The following TMEFF2 variants were observed in gnomAD, a reference collection of about 807,000 sequenced individuals.
TMEFF2 encodes the protein transmembrane protein with EGF like and two follistatin like domains 2, also known as tomoregulin-2.
In TMEFF2, 28 loss-of-function variants were observed where a neutral mutation model predicts 53.8. That is an observed-to-expected ratio of 0.52 (90% CI 0.39 to 0.71). The LOEUF (loss-of-function observed/expected upper bound fraction) is 0.71, where lower values mean the gene tolerates loss of function less well. Ranked by LOEUF, TMEFF2 falls within the 30% of genes least tolerant of loss-of-function variation. TMEFF2 has a pLI of 0.00. For missense variants in TMEFF2, 353 were observed against 455.2 expected (o/e 0.78, Z 2.04); for synonymous variants, 162 against 166.3 (o/e 0.97, Z 0.20).
At chr2:191,970,173 G>C (rs1323320842) in intron 7 of TMEFF2, among the ~76,000 whole-genome samples, 1 of 152,034 alleles carries the variant, frequency 6.6e-6, no homozygotes, top group Non-Finnish European at 1.5e-5. Flanking sequence ...CTGTTAAAGA[G>C]ACACAGTAAT....
intron 5 of TMEFF2, among the ~76,000 whole-genome samples, chr2:192,037,643 AAGAGAGAGAGAGAG>A (rs34986284): frequency 1.2e-4 from 17 of 143,194 alleles, no homozygotes; most frequent in Admixed American, 2.8e-4. Context: ...AAGAGAGAGA[AAGAGAGAGAGAGAG>A]AGAGAGAGAG....
chr2:192,157,668 G>A (rs536800959), intron 4 of TMEFF2, among the ~76,000 whole-genome samples: 24 of 151,856 alleles, frequency 1.6e-4, no homozygotes, highest in Admixed American at 8.5e-4. Context: ...TGTTTCTACC[G>A]TCCCTATTCC....
chr2:191,997,861 CT>C (rs1233439582), intron 7 of TMEFF2, among the ~76,000 whole-genome samples: 4 of 151,726 alleles, frequency 2.6e-5, no homozygotes, highest in Non-Finnish European at 5.9e-5. Flanking sequence ...TCCTTTCTAG[CT>C]TTTTAGAGAC....
At chr2:191,988,566 T>A (rs747452015) in intron 7 of TMEFF2, among the ~76,000 whole-genome samples, 1 of 152,196 alleles carries the variant, frequency 6.6e-6, no homozygotes, top group Non-Finnish European at 1.5e-5. Flanking sequence ...GTCTATAGAC[T>A]AATAACATGG....
chr2:192,133,273 G>A (rs1007106373), intron 4 of TMEFF2, among the ~76,000 whole-genome samples: 2 of 151,936 alleles, frequency 1.3e-5, no homozygotes, highest in African/African-American at 4.8e-5. Context: ...GGCTTCATTT[G>A]CGTCCTCCTC....
At chr2:192,142,831 A>G (rs1420073073) in intron 4 of TMEFF2, among the ~76,000 whole-genome samples, 3 of 152,190 alleles carry the variant, frequency 2.0e-5, no homozygotes, top group East Asian at 1.9e-4. Context: ...TAAGATTCCA[A>G]CCAGATTCCA....
At chr2:192,113,784 G>T (rs937652647) in intron 4 of TMEFF2, among the ~76,000 whole-genome samples, 1 of 152,120 alleles carries the variant, frequency 6.6e-6, no homozygotes, top group African/African-American at 2.4e-5. Context: ...GCTAACAGTT[G>T]CTGGGTACTT....
Position 192,194,548 on chromosome 2 carries a change from C to G in TMEFF2, c.-24G>C, listed in dbSNP as rs768480968. ...ATGACTAGTTCGTGCAACTCTGCAG[C>G]AGCAAACGGCTTCCGAGGAACACAG... On this transcript the variant is annotated 5_prime_UTR_variant, in exon 1 of 10. Transcript: ENST00000272771. This position sits in a 1 kb window ranked among gnomAD's most constrained non-coding sequence, Gnocchi z 4.2. 7 of 1,603,554 alleles carry G rather than the reference C, an allele frequency of 4.4e-6. No homozygotes were observed. In the South Asian group the frequency reaches 5.5e-5, roughly 13 times the overall value.
At chr2:191,965,215 C>T (rs1470706464) in intron 7 of TMEFF2, among the ~76,000 whole-genome samples, 1 of 152,078 alleles carries the variant, frequency 6.6e-6, no homozygotes, top group African/African-American at 2.4e-5. Flanking sequence ...CTCCCAGGTA[C>T]CTCAAACTCA....
intron 4 of TMEFF2, among the ~76,000 whole-genome samples, chr2:192,130,294 T>C (rs574134983): frequency 2.4e-4 from 37 of 152,236 alleles, no homozygotes; most frequent in African/African-American, 4.6e-4. Flanking sequence ...TCCTCCTCCT[T>C]CTCCTCTGTC....
At position 191,949,172 on chromosome 2, in the gene TMEFF2, T is replaced by A. The variant is rs1691790399; in HGVS notation, c.*1139A>T. Reference sequence around the variant, plus strand: ...TTGAGAATTTTCACAGCTTATTTTTTCCAGATCAAGTTGTGATACCTATTT... The same window carrying A: ...TTGAGAATTTTCACAGCTTATTTTTACCAGATCAAGTTGTGATACCTATTT... On this transcript the variant is annotated 3_prime_UTR_variant, in exon 10 of 10. Transcript: ENST00000272771. The A allele has an allele frequency of 3.0e-6, 3 of 985,294 alleles. No homozygotes were observed. Among genetic ancestry groups the A allele is most frequent in the Admixed American group, 6.1e-5 (1 of 16,262 alleles). 61.0% of individuals were successfully genotyped at this position (985,294 alleles called of 1,614,324 possible).
rs6743166 is a variant in TMEFF2, at chr2:192,192,013, A to C, written c.173-24T>G. 5,267 of 1,465,076 alleles carry C rather than the reference A, an allele frequency of 3.6e-3. 142 individuals are homozygous for C. The African/African-American group carries it at 0.061, about 17-fold the overall frequency. 90.8% of individuals were successfully genotyped at this position (1,465,076 alleles called of 1,614,324 possible). A position where few individuals can be genotyped will look rare whatever the true frequency, so the allele number is the denominator to read the frequency against. ...ACCTCAAATTCAAAGAGAACACTCC[A>C]GTCATTAAAACATCTTACAGATTTT... On this transcript the variant is annotated intron_variant, in intron 1 of 9. Coordinates refer to ENST00000272771, the MANE Select transcript of TMEFF2 (RefSeq NM_016192.4).
intron 4 of TMEFF2, among the ~76,000 whole-genome samples, chr2:192,136,916 T>C (rs1690021306): frequency 6.6e-6 from 1 of 152,208 alleles, no homozygotes; most frequent in Non-Finnish European, 1.5e-5. Flanking sequence ...TCAAATAATT[T>C]GGCAGTTATA....
chr2:192,128,925 T>G (rs538120013), intron 4 of TMEFF2, among the ~76,000 whole-genome samples: 2 of 152,260 alleles, frequency 1.3e-5, no homozygotes, highest in East Asian at 3.9e-4. Flanking sequence ...AACTCTCCAG[T>G]GTGTGGCACA....
intron 4 of TMEFF2, among the ~76,000 whole-genome samples, chr2:192,097,992 CAATT>C (rs769904093): frequency 4.6e-5 from 7 of 151,822 alleles, no homozygotes; most frequent in South Asian, 2.1e-4. Flanking sequence ...TGGTGAATGA[CAATT>C]AATTTGCCAC....
intron 4 of TMEFF2, among the ~76,000 whole-genome samples, chr2:192,136,111 A>G (rs1239145963): frequency 1.3e-5 from 2 of 152,214 alleles, no homozygotes; most frequent in African/African-American, 2.4e-5. Flanking sequence ...CGCGCATGAA[A>G]GAGTATTTTT....
chr2:192,085,842 G>C (rs1044985116), intron 4 of TMEFF2, among the ~76,000 whole-genome samples: 1 of 152,078 alleles, frequency 6.6e-6, no homozygotes, highest in African/African-American at 2.4e-5. Context: ...CATCTCACAG[G>C]AGCATTGACT....
chr2:191,955,665 T>C (rs201048021), intron 8 of TMEFF2, among the ~76,000 whole-genome samples: 1 of 151,424 alleles, frequency 6.6e-6, no homozygotes, highest in Non-Finnish European at 1.5e-5. Context: ...TTTATATTTA[T>C]AAACTAAATC....
chr2:191,973,515 G>A lies in TMEFF2; in HGVS notation c.746-17137C>T, dbSNP rs1019686623. Among the ~76,000 whole-genome samples the A allele has an allele frequency of 8.6e-5, 13 of 151,896 alleles. No individual in the cohort carries two copies. The South Asian group carries it at 2.5e-3, about 29-fold the overall frequency. On this transcript the variant is annotated intron_variant, in intron 7 of 9. Transcript: ENST00000272771. ...TATTTATGTGTTTGTGTATAGATAC[G>A]GTTTTTTCTTTGATAAAGTAGGAGC...
Sources: gnomAD v4.1 joint callset for allele counts (sites outside exome capture counted in the v4.1 genomes callset) on GRCh38, gnomAD v4.1.1 for gene constraint, Gnocchi (gnomAD v3.1) non-coding constraint, MANE v1.5 for transcripts, NCBI Gene and HGNC (gene_info 2026-07-23, HGNC 2026-07-21) for gene names.